AFF3: variants seen among roughly 807,000 people sequenced by gnomAD.
AFF3 encodes the protein AF4/FMR2 family member 3.
Under a neutral mutation model 129.7 loss-of-function variants are expected in AFF3, and 32 were observed. That is an observed-to-expected ratio of 0.25 (90% CI 0.19 to 0.33). The LOEUF (loss-of-function observed/expected upper bound fraction) is 0.33. Among genes scored for constraint, AFF3 ranks in the 10% least tolerant of loss-of-function variants. AFF3 has a pLI of 1.00. For synonymous variants in AFF3, 644 were observed against 635.4 expected (o/e 1.01, Z -0.20); for missense variants, 1,373 against 1,592.0 (o/e 0.86, Z 2.34).
At chr2:100,056,063 TCACACACACACA>T (rs369771394) in intron 4 of AFF3, among the ~76,000 whole-genome samples, 3 of 120,516 alleles carry the variant, frequency 2.5e-5, no homozygotes, top group African/African-American at 6.6e-5. Context: ...TGTCTCTCTC[TCACACACACACA>T]CACACACACA....
intron 7 of AFF3, among the ~76,000 whole-genome samples, chr2:99,917,461 G>A (rs747659174): frequency 1.3e-5 from 2 of 152,216 alleles, no homozygotes; most frequent in Non-Finnish European, 2.9e-5. Context: ...AACAGGGAAT[G>A]TGGATTCTAC....
At chr2:99,616,206 T>C (rs1464374621) in intron 13 of AFF3, among the ~76,000 whole-genome samples, 3 of 152,186 alleles carry the variant, frequency 2.0e-5, no homozygotes, top group African/African-American at 7.2e-5. Flanking sequence ...CATGCACTTA[T>C]TTGTAATAGT....
intron 4 of AFF3, among the ~76,000 whole-genome samples, chr2:100,025,058 A>G (rs574548202): frequency 1.3e-5 from 2 of 152,272 alleles, no homozygotes; most frequent in Admixed American, 1.3e-4. Context: ...CTATCTATAA[A>G]CATGAAAAAT....
At chr2:100,129,382 C>CTGTGTGTGTGTGTGTGTGTGTGTG (rs10585567) in intron 1 of AFF3, 76 bp from the exon 2 acceptor site, 2 of 145,288 alleles carry the variant, frequency 1.4e-5, no homozygotes, top group Non-Finnish European at 3.0e-5. Flanking sequence ...TCCTATAACT[C>CTGTGTGTGTGTGTGTGTGTGTGTG]TGTGTGTGTG....
At chr2:99,860,779 G>T (rs566306146) in intron 7 of AFF3, among the ~76,000 whole-genome samples, 47 of 152,004 alleles carry the variant, frequency 3.1e-4, no homozygotes, top group Admixed American at 3.1e-3. Context: ...ATAATTCAAG[G>T]TATACAATGT....
chr2:99,910,834 T>C (rs893848206), intron 7 of AFF3, among the ~76,000 whole-genome samples: 1 of 152,262 alleles, frequency 6.6e-6, no homozygotes, highest in African/African-American at 2.4e-5. Flanking sequence ...GGCTAAGATA[T>C]ATGTGATCAT....
At chr2:99,571,204 G>A (rs1463392136) in intron 18 of AFF3, among the ~76,000 whole-genome samples, 3 of 152,110 alleles carry the variant, frequency 2.0e-5, no homozygotes, top group Non-Finnish European at 2.9e-5. Flanking sequence ...GTGCAGCATC[G>A]CATCCAATGA....
At chr2:100,103,712 A>G (rs1243596236) in intron 4 of AFF3, among the ~76,000 whole-genome samples, 1 of 151,778 alleles carries the variant, frequency 6.6e-6, no homozygotes, top group Non-Finnish European at 1.5e-5. Context: ...GCATAAAGGG[A>G]TACCCGGGGC....
intron 7 of AFF3, among the ~76,000 whole-genome samples, chr2:99,903,305 AAC>A (rs1156322846): frequency 6.6e-6 from 1 of 152,190 alleles, no homozygotes; most frequent in African/African-American, 2.4e-5. Flanking sequence ...GATATATGGT[AAC>A]AAACTCTCTT....
chr2:99,657,168 A>C (rs1043680152), intron 12 of AFF3, among the ~76,000 whole-genome samples: 9 of 152,214 alleles, frequency 5.9e-5, no homozygotes, highest in Non-Finnish European at 2.9e-5. Context: ...ACAGAGCTGA[A>C]CGGGGTCAGC....
chr2:99,739,025 TTTAGCAAATATTATGGTAC>T (rs1314404532), intron 10 of AFF3, among the ~76,000 whole-genome samples: 1 of 151,730 alleles, frequency 6.6e-6, no homozygotes, highest in African/African-American at 2.4e-5. Flanking sequence ...TTTTTTTTTT[TTTAGCAAATATTATGGTAC>T]TTTTTGTTTT....
intron 7 of AFF3, among the ~76,000 whole-genome samples, chr2:99,851,303 G>C (rs1378223197): frequency 6.6e-6 from 1 of 152,228 alleles, no homozygotes; most frequent in East Asian, 1.9e-4. Context: ...TGCTGGGCTT[G>C]ACTCATCCAA....
At chr2:100,060,056 C>T (rs1573296209) in intron 4 of AFF3, among the ~76,000 whole-genome samples, 1 of 152,278 alleles carries the variant, frequency 6.6e-6, no homozygotes, top group African/African-American at 2.4e-5. Context: ...CACACACACA[C>T]GTGAAGGGGA....
At chr2:100,093,516 T>C (rs1306522202) in intron 4 of AFF3, among the ~76,000 whole-genome samples, 3 of 152,242 alleles carry the variant, frequency 2.0e-5, no homozygotes, top group Admixed American at 2.0e-4. Flanking sequence ...CTACTTCCTC[T>C]CAGACTCCAA....
chr2:99,676,140 C>T (rs1446865771), intron 11 of AFF3, among the ~76,000 whole-genome samples: 1 of 152,070 alleles, frequency 6.6e-6, no homozygotes, highest in African/African-American at 2.4e-5. Context: ...TCCTGGGTTC[C>T]TCCAGGCCCT....
At chr2:99,730,671 T>C (rs1235478589) in intron 10 of AFF3, among the ~76,000 whole-genome samples, 1 of 151,096 alleles carries the variant, frequency 6.6e-6, no homozygotes, top group African/African-American at 2.4e-5. Flanking sequence ...CCTGCCACCA[T>C]GCCCGGCTAA....
Position 99,551,153 on chromosome 2 carries a change from GGTGTGTGTGTGTGT to G in AFF3, c.*307_*320del, listed in dbSNP as rs71252505. On this transcript the variant is annotated 3_prime_UTR_variant, in exon 25 of 25. Coordinates refer to ENST00000672756, the MANE Select transcript of AFF3 (RefSeq NM_001386135.1). The stretch of plus-strand genomic sequence containing the variant: ...TGTCTGTGATTGTGTGTGAGTGTAC[GGTGTGTGTGTGTGT>G]GTGTGTGTGTGTGTGTACTTCCTCT... 40 of 439,290 alleles carry G rather than the reference GGTGTGTGTGTGTGT, an allele frequency of 9.1e-5. No homozygotes were observed. The highest frequency in any genetic ancestry group is 1.4e-4 in the Non-Finnish European group (34 of 247,892). The allele number at this position is 439,290 out of a possible 1,614,324, so 27.2% of individuals were successfully genotyped here.
In AFF3 at chr2:99,547,224, G is replaced by A. The variant is rs1184645770; in HGVS notation, c.*4250C>T. ...AAAATATTCACAGAAATTGGTGGATGTCTTTTACGTACAACTCAACTTCTC... is the reference window on the plus strand; with the variant it reads ...AAAATATTCACAGAAATTGGTGGATATCTTTTACGTACAACTCAACTTCTC... On this transcript the variant is annotated 3_prime_UTR_variant, in exon 25 of 25. Transcript: ENST00000672756. 9.3e-6 allele frequency: 2 copies of A among 215,580 alleles called. No homozygotes were observed. The highest frequency in any genetic ancestry group is 9.4e-6 in the Non-Finnish European group (1 of 106,764). The allele number at this position is 215,580 out of a possible 1,614,324, so 13.4% of individuals were successfully genotyped here.
At chr2:99,644,207 A>G (rs1426375466) in intron 13 of AFF3, among the ~76,000 whole-genome samples, 1 of 152,248 alleles carries the variant, frequency 6.6e-6, no homozygotes, top group Admixed American at 6.5e-5. Context: ...TGCATCTCCA[A>G]GGCTATAAAA....
Sources: gnomAD v4.1 joint callset for allele counts (sites outside exome capture counted in the v4.1 genomes callset) on GRCh38, gnomAD v4.1.1 for gene constraint, MANE v1.5 for transcripts, NCBI Gene and HGNC (gene_info 2026-07-23, HGNC 2026-07-21) for gene names.